Variants in MAPK10 observed in about 807,000 individuals in gnomAD.
The protein encoded by MAPK10 is mitogen-activated protein kinase 10.
Under a neutral mutation model 59.3 loss-of-function variants are expected in MAPK10, and 25 were observed. The observed-to-expected ratio is 0.42, with a 90% CI of 0.31 to 0.59. The LOEUF (loss-of-function observed/expected upper bound fraction) is 0.59. MAPK10 is among the 20% of genes least tolerant of loss of function. MAPK10 has a pLI of 0.15. For missense variants in MAPK10, 351 were observed against 568.9 expected (o/e 0.62, Z 3.90); for synonymous variants, 190 against 200.5 (o/e 0.95, Z 0.44).
At chr4:86,137,765 C>A (rs1185006937) in intron 4 of MAPK10, among the ~76,000 whole-genome samples, 3 of 138,596 alleles carry the variant, frequency 2.2e-5, no homozygotes. Context: ...TTGAAAGGAT[C>A]AACAAAATTG....
intron 1 of MAPK10, among the ~76,000 whole-genome samples, chr4:86,439,262 A>G (rs1406827410): frequency 1.3e-5 from 2 of 152,162 alleles, no homozygotes; most frequent in Non-Finnish European, 2.9e-5. Flanking sequence ...GTGCACCTTT[A>G]AAGTCAGCCT....
At chr4:86,287,669 A>G (rs1323027468) in intron 2 of MAPK10, among the ~76,000 whole-genome samples, 1 of 152,218 alleles carries the variant, frequency 6.6e-6, no homozygotes, top group Non-Finnish European at 1.5e-5. Flanking sequence ...TAATCCATAG[A>G]TTACACACTA....
At chr4:86,284,568 G>A (rs997444928) in intron 2 of MAPK10, among the ~76,000 whole-genome samples, 1 of 152,116 alleles carries the variant, frequency 6.6e-6, no homozygotes, top group African/African-American at 2.4e-5. Flanking sequence ...CTTGTCTGTA[G>A]GAAAGGAATA....
At chr4:86,420,563 G>A (rs929860323) in intron 1 of MAPK10, among the ~76,000 whole-genome samples, 1 of 152,100 alleles carries the variant, frequency 6.6e-6, no homozygotes, top group African/African-American at 2.4e-5. Context: ...TGAGGCGAGT[G>A]TATCACTTGA....
intron 2 of MAPK10, among the ~76,000 whole-genome samples, chr4:86,255,643 T>A (rs2093674082): frequency 6.6e-6 from 1 of 152,222 alleles, no homozygotes; most frequent in Non-Finnish European, 1.5e-5. Flanking sequence ...ATCAAGGTTC[T>A]GTTTAACTTT....
intron 1 of MAPK10, among the ~76,000 whole-genome samples, chr4:86,535,467 G>A (rs979645321): frequency 6.6e-6 from 1 of 152,080 alleles, no homozygotes. Flanking sequence ...CTGCGGTGTC[G>A]CTATTGTAGC....
chr4:86,209,276 C>A (rs1222493261), intron 2 of MAPK10, among the ~76,000 whole-genome samples: 1 of 151,998 alleles, frequency 6.6e-6, no homozygotes, highest in Non-Finnish European at 1.5e-5. Flanking sequence ...GTTTAAGAAG[C>A]ACATGAAAAT....
chr4:86,411,261 A>G (rs1745136915), intron 1 of MAPK10, among the ~76,000 whole-genome samples: 1 of 152,176 alleles, frequency 6.6e-6, no homozygotes. Context: ...CTGTGGTGTG[A>G]GAGACTTCTT....
At chr4:86,592,066 C>T (rs1400059099) in intron 1 of MAPK10, among the ~76,000 whole-genome samples, 1 of 152,034 alleles carries the variant, frequency 6.6e-6, no homozygotes, top group Admixed American at 6.5e-5. Flanking sequence ...CCTCCTTTGA[C>T]TTACTAATAT....
In MAPK10 at chr4:86,377,404, T is replaced by C. The variant is rs568259029; in HGVS notation, c.-121-22760A>G. Among the ~76,000 whole-genome samples, 17 of 152,300 alleles carry C rather than the reference T, an allele frequency of 1.1e-4. No individual in the cohort carries two copies. In the South Asian group the frequency reaches 3.5e-3, roughly 32 times the overall value. On this transcript the variant is annotated intron_variant, in intron 1 of 13. Coordinates refer to the MAPK10 transcript ENST00000361569. Reference sequence around the variant, plus strand: ...GACCTGGCAATGATAATGGCACTTCTACTGTGCCTCTGCAGTCAGGAGTTT... The same window carrying C: ...GACCTGGCAATGATAATGGCACTTCCACTGTGCCTCTGCAGTCAGGAGTTT...
Position 86,139,767 on chromosome 4 carries a change from T to G in MAPK10, c.236+19531A>C, listed in dbSNP as rs558719810. 4.6e-5 allele frequency among the ~76,000 whole-genome samples: 7 copies of G among 151,466 alleles called. No homozygotes were observed. In the South Asian group the frequency reaches 8.4e-4, roughly 18 times the overall value. On this transcript the variant is annotated intron_variant, in intron 4 of 13. Coordinates refer to ENST00000641462, the MANE Select transcript of MAPK10 (RefSeq NM_138982.4). ...GGCAACATACAAAATGGGAGAAAAT[T>G]TTCTCAACCTACTCATCTGACAAAG...
chr4:86,116,817 A>C (rs2058358383), intron 4 of MAPK10, among the ~76,000 whole-genome samples: 1 of 152,232 alleles, frequency 6.6e-6, no homozygotes, highest in African/African-American at 2.4e-5. Flanking sequence ...GTAAGGAGTA[A>C]AAGAGTTAAT....
At chr4:86,216,405 G>A (rs1349052772) in intron 2 of MAPK10, among the ~76,000 whole-genome samples, 3 of 151,046 alleles carry the variant, frequency 2.0e-5, no homozygotes, top group Non-Finnish European at 3.0e-5. Context: ...AGTTGCACAT[G>A]ATCAATGTAC....
At chr4:86,242,179 G>A (rs1299451715) in intron 2 of MAPK10, among the ~76,000 whole-genome samples, 1 of 152,008 alleles carries the variant, frequency 6.6e-6, no homozygotes, top group African/African-American at 2.4e-5. Flanking sequence ...CCAATGCCTG[G>A]AGATGTCATT....
rs540515291 is a variant in MAPK10, at chr4:86,204,941, A to G, written c.-6-10534T>C. ...TCTTTCCATTATTTTGGAAAGTCAGAACTGCTGAGATGGAATATAACAAGA... is the reference window on the plus strand; with the variant it reads ...TCTTTCCATTATTTTGGAAAGTCAGGACTGCTGAGATGGAATATAACAAGA... On this transcript the variant is annotated intron_variant, in intron 2 of 13. Coordinates refer to ENST00000641462, the MANE Select transcript of MAPK10 (RefSeq NM_138982.4). Among the ~76,000 whole-genome samples the G allele has an allele frequency of 3.3e-5, 5 of 152,184 alleles. No homozygotes were observed. In the South Asian group the frequency reaches 8.3e-4, roughly 25 times the overall value.
At chr4:86,546,287 C>T (rs920010819) in intron 1 of MAPK10, among the ~76,000 whole-genome samples, 2 of 152,088 alleles carry the variant, frequency 1.3e-5, no homozygotes, top group South Asian at 2.1e-4. Flanking sequence ...GTGGCTCACG[C>T]CTGTAATCCC....
chr4:86,052,516 T>C (rs929739026), intron 11 of MAPK10, among the ~76,000 whole-genome samples: 2 of 152,046 alleles, frequency 1.3e-5, no homozygotes, highest in African/African-American at 4.8e-5. Flanking sequence ...CCCCAGAAGT[T>C]CCTCTAAGGA....
intron 2 of MAPK10, among the ~76,000 whole-genome samples, chr4:86,246,779 A>G (rs756878588): frequency 2.0e-5 from 3 of 152,162 alleles, no homozygotes; most frequent in Non-Finnish European, 4.4e-5. Context: ...GCAGTGGGAC[A>G]CTAGAGTCTG....
intron 1 of MAPK10, among the ~76,000 whole-genome samples, chr4:86,384,751 GTTTTA>G (rs1741237652): frequency 5.3e-5 from 8 of 152,160 alleles, no homozygotes; most frequent in Admixed American, 5.2e-4. Context: ...TGACAAAAGT[GTTTTA>G]TTTATGATAT....
Sources: gnomAD v4.1 joint callset for allele counts (sites outside exome capture counted in the v4.1 genomes callset) on GRCh38, gnomAD v4.1.1 for gene constraint, MANE v1.5 for transcripts, NCBI Gene and HGNC (gene_info 2026-07-23, HGNC 2026-07-21) for gene names.